Variants in ERC1 observed in about 807,000 individuals in gnomAD.
ERC1 encodes the protein ELKS/RAB6-interacting/CAST family member 1.
ERC1 carries 56 observed loss-of-function variants against 132.0 expected under a neutral mutation model. The observed-to-expected ratio is 0.42, with a 90% CI of 0.34 to 0.53. ERC1 has a LOEUF of 0.53. Among genes scored for constraint, ERC1 ranks in the 20% least tolerant of loss-of-function variants. The pLI, the probability that ERC1 is intolerant of heterozygous loss-of-function variation, is 0.03. For synonymous variants in ERC1, 478 were observed against 476.1 expected (o/e 1.00, Z -0.05); for missense variants, 1,202 against 1,349.9 (o/e 0.89, Z 1.72).
chr12:1,145,006 T>C (rs1293168358), intron 8 of ERC1, among the ~76,000 whole-genome samples: 3 of 152,094 alleles, frequency 2.0e-5, no homozygotes, highest in African/African-American at 7.2e-5. Context: ...ATTTCACTGA[T>C]AATTAGTGAT....
At chr12:1,084,941 A>G (rs572390985) in intron 3 of ERC1, among the ~76,000 whole-genome samples, 17 of 152,318 alleles carry the variant, frequency 1.1e-4, no homozygotes, top group East Asian at 3.9e-4. Context: ...GCCTCAAGCA[A>G]TCCTCCCTCC....
At chr12:1,470,694 A>C (rs1242416727) in intron 18 of ERC1, among the ~76,000 whole-genome samples, 2 of 152,164 alleles carry the variant, frequency 1.3e-5, no homozygotes, top group Admixed American at 1.3e-4. Context: ...AGATATTACC[A>C]AATCAGCTTA....
At chr12:1,216,643 G>T (rs1958454009) in intron 12 of ERC1, among the ~76,000 whole-genome samples, 1 of 151,172 alleles carries the variant, frequency 6.6e-6, no homozygotes, top group Non-Finnish European at 1.5e-5. Flanking sequence ...GGGAGTAAAT[G>T]GAATGATATG....
intron 2 of ERC1, among the ~76,000 whole-genome samples, chr12:1,074,708 T>C (rs1941049481): frequency 6.6e-6 from 1 of 152,252 alleles, no homozygotes; most frequent in Non-Finnish European, 1.5e-5. Context: ...CCAGCCATTA[T>C]CTTGCTACTT....
intron 2 of ERC1, among the ~76,000 whole-genome samples, chr12:1,065,163 A>G (rs996950075): frequency 2.0e-5 from 3 of 151,770 alleles, no homozygotes; most frequent in African/African-American, 2.4e-5. Flanking sequence ...ATCACACCCA[A>G]CTAATTTTTG....
intron 2 of ERC1, among the ~76,000 whole-genome samples, chr12:1,039,297 A>G (rs1164380160): frequency 6.6e-6 from 1 of 150,950 alleles, no homozygotes; most frequent in African/African-American, 2.4e-5. Context: ...AAATCGCACC[A>G]CTGCACTCCA....
At chr12:1,455,103 C>T (rs911745967) in intron 18 of ERC1, among the ~76,000 whole-genome samples, 26 of 152,096 alleles carry the variant, frequency 1.7e-4, no homozygotes, top group South Asian at 4.1e-4. Context: ...TAAATTGCTG[C>T]GCAATAGAAA....
chr12:998,960 A>G (rs1961558814), intron 1 of ERC1, among the ~76,000 whole-genome samples: 1 of 150,202 alleles, frequency 6.7e-6, no homozygotes, highest in Non-Finnish European at 1.5e-5. Context: ...CCTGGGTTCA[A>G]GTGATTCTCC....
chr12:1,181,671 T>G (rs1177275056), intron 9 of ERC1, among the ~76,000 whole-genome samples: 1 of 151,432 alleles, frequency 6.6e-6, no homozygotes. Flanking sequence ...GGTGGCATGC[T>G]ACTTGGGAGG....
Position 1,478,756 on chromosome 12 carries a change from T to C in ERC1, c.3214-11337T>C, listed in dbSNP as rs949736913. Reference sequence around the variant, plus strand: ...GTGAGCCAAGATCGCACCACTGCACTCCAGCCTGAGCGACAGAGTGAGACT... The same window carrying C: ...GTGAGCCAAGATCGCACCACTGCACCCCAGCCTGAGCGACAGAGTGAGACT... On this transcript the variant is annotated intron_variant, in intron 18 of 18. Transcript: ENST00000360905. Among the ~76,000 whole-genome samples the C allele has an allele frequency of 4.8e-4, 72 of 150,076 alleles. 1 individual carries two copies. The highest frequency in any genetic ancestry group is 8.4e-4 in the Non-Finnish European group (57 of 67,836).
chr12:1,144,105 C>T (rs1950113452), intron 8 of ERC1, among the ~76,000 whole-genome samples: 1 of 152,140 alleles, frequency 6.6e-6, no homozygotes, highest in South Asian at 2.1e-4. Context: ...CTACATGATA[C>T]TGGACATCTC....
intron 15 of ERC1, among the ~76,000 whole-genome samples, chr12:1,346,888 G>T (rs2084516133): frequency 6.8e-6 from 1 of 147,978 alleles, no homozygotes; most frequent in African/African-American, 2.6e-5. Flanking sequence ...CTTGCAGTGA[G>T]CCGAGATTGC....
At chr12:999,656 G>A (rs368415561) in intron 1 of ERC1, among the ~76,000 whole-genome samples, 11 of 127,088 alleles carry the variant, frequency 8.7e-5, no homozygotes, top group African/African-American at 2.3e-4. Flanking sequence ...TCTGTCGCCA[G>A]GCTGGAGTGC....
At chr12:1,355,290 A>G (rs1008834191) in intron 15 of ERC1, among the ~76,000 whole-genome samples, 3 of 152,190 alleles carry the variant, frequency 2.0e-5, no homozygotes, top group South Asian at 2.1e-4. Context: ...GTTATATGCT[A>G]TATTATTTGG....
At chr12:1,057,781 A>T (rs1973273566) in intron 2 of ERC1, among the ~76,000 whole-genome samples, 1 of 151,830 alleles carries the variant, frequency 6.6e-6, no homozygotes, top group Non-Finnish European at 1.5e-5. Flanking sequence ...TTTTTAGTAG[A>T]GGTGGGGTTT....
chr12:1,212,703 A>C (rs140687750), intron 12 of ERC1, among the ~76,000 whole-genome samples: 9 of 152,268 alleles, frequency 5.9e-5, no homozygotes, highest in Non-Finnish European at 1.3e-4. Context: ...TCCTTGCTAG[A>C]GTGCTTCCCG....
chr12:1,287,190 G>A (rs546766869), intron 14 of ERC1, among the ~76,000 whole-genome samples: 55 of 152,248 alleles, frequency 3.6e-4, no homozygotes, highest in African/African-American at 1.3e-3. Context: ...CTGCACATTG[G>A]CTATCCATAT....
intron 7 of ERC1, among the ~76,000 whole-genome samples, chr12:1,127,680 T>C (rs1056413748): frequency 1.3e-4 from 20 of 152,132 alleles, no homozygotes; most frequent in African/African-American, 4.3e-4. Flanking sequence ...TAATATAAAT[T>C]GAAAACATGT....
chr12:1,133,844 T>C (rs1406175424), intron 7 of ERC1, among the ~76,000 whole-genome samples: 2 of 152,202 alleles, frequency 1.3e-5, no homozygotes, highest in Non-Finnish European at 2.9e-5. Context: ...CACCATTCTC[T>C]TCTCTGTTTC....
Sources: gnomAD v4.1 joint callset for allele counts (sites outside exome capture counted in the v4.1 genomes callset) on GRCh38, gnomAD v4.1.1 for gene constraint, MANE v1.5 for transcripts, NCBI Gene and HGNC (gene_info 2026-07-23, HGNC 2026-07-21) for gene names.